Variants in TYR observed in about 807,000 individuals in gnomAD.
TYR encodes LB24-AB.
Under a neutral mutation model 51.5 loss-of-function variants are expected in TYR, and 58 were observed. The ratio of observed to expected loss-of-function variants is 1.13; its 90% CI spans 0.91 to 1.40. The LOEUF (loss-of-function observed/expected upper bound fraction) is 1.40. TYR is among the 40% of genes most tolerant of loss of function. The pLI is 0.00. For synonymous variants in TYR, 263 were observed against 235.2 expected (o/e 1.12, Z -1.08); for missense variants, 732 against 647.4 (o/e 1.13, Z -1.42).
At chr11:89,204,837 AAGAC>A (rs949794528) in intron 2 of TYR, among the ~76,000 whole-genome samples, 4 of 152,044 alleles carry the variant, frequency 2.6e-5, no homozygotes, top group Admixed American at 6.5e-5. Context: ...AAAAAAAAAA[AAGAC>A]AGCAGACGTT....
At chr11:89,275,204 G>T (rs1257247652) in intron 3 of TYR, among the ~76,000 whole-genome samples, 1 of 151,894 alleles carries the variant, frequency 6.6e-6, no homozygotes, top group Non-Finnish European at 1.5e-5. Context: ...GAGAGATTTT[G>T]TAATCAAATT....
intron 3 of TYR, among the ~76,000 whole-genome samples, chr11:89,255,223 G>A (rs1481355641): frequency 2.0e-5 from 3 of 151,440 alleles, no homozygotes; most frequent in African/African-American, 7.3e-5. Context: ...GATTTGTTTT[G>A]TGGCCCATCA....
intron 2 of TYR, among the ~76,000 whole-genome samples, chr11:89,218,053 C>T (rs2135274638): frequency 6.6e-6 from 1 of 152,292 alleles, no homozygotes; most frequent in South Asian, 2.1e-4. Flanking sequence ...AACACCAAAA[C>T]TATTTTTCAT....
rs138750983 is a variant in TYR at position 89,295,285 on chromosome 11, G to A, written c.1509G>A (p.Lys503=). 3.7e-6 allele frequency: 6 copies of A among 1,613,732 alleles called. No homozygotes were observed. The highest frequency in any genetic ancestry group is 1.7e-4 in the Middle Eastern group (1 of 6,056). ...AGLVSLLCRH[K]RKQLPEEKQP... ...TTGTGAGCTTGCTGTGTCGTCACAAGAGAAAGCAGCTTCCTGAAGAAAAGC... is the reference window on the plus strand; with the variant it reads ...TTGTGAGCTTGCTGTGTCGTCACAAAAGAAAGCAGCTTCCTGAAGAAAAGC... The change falls in exon 5 of 5, where the codon AAG becomes AAA. Residue 503 remains lysine, a synonymous_variant. Transcript: ENST00000263321.
At chr11:89,228,837 G>A (rs1193912940) in intron 3 of TYR, among the ~76,000 whole-genome samples, 1 of 152,100 alleles carries the variant, frequency 6.6e-6, no homozygotes, top group African/African-American at 2.4e-5. Flanking sequence ...AGAAAAGAAA[G>A]TATTCAGAGG....
At chr11:89,278,569 T>C (rs1944684889) in intron 3 of TYR, among the ~76,000 whole-genome samples, 1 of 151,708 alleles carries the variant, frequency 6.6e-6, no homozygotes, top group Non-Finnish European at 1.5e-5. Flanking sequence ...CCAACTATCT[T>C]AAGGCTTCCT....
At chr11:89,263,682 A>C (rs183867885) in intron 3 of TYR, among the ~76,000 whole-genome samples, 61 of 152,244 alleles carry the variant, frequency 4.0e-4, no homozygotes, top group African/African-American at 1.3e-3. Context: ...AATCAGTTGT[A>C]TTTCTAAACA....
intron 2 of TYR, among the ~76,000 whole-genome samples, chr11:89,194,388 T>A (rs940317192): frequency 1.3e-5 from 2 of 152,204 alleles, no homozygotes; most frequent in Non-Finnish European, 2.9e-5. Flanking sequence ...ATCATGACCA[T>A]CTGTCTCACG....
rs577667552 is a variant in TYR, at chr11:89,207,263, C to A, written c.1036+15845C>A. Among the ~76,000 whole-genome samples, 236 of 152,042 alleles carry A rather than the reference C, an allele frequency of 1.6e-3. 1 individual carries two copies. The highest frequency in any genetic ancestry group is 5.4e-3 in the African/African-American group (224 of 41,498). On this transcript the variant is annotated intron_variant, in intron 2 of 4. Coordinates refer to ENST00000263321, the MANE Select transcript of TYR (RefSeq NM_000372.5). ...GAAAAAGAGAAAAGACACAAATTACCAATATCAAGAATCAAAAAAGGGATA... is the reference window on the plus strand; with the variant it reads ...GAAAAAGAGAAAAGACACAAATTACAAATATCAAGAATCAAAAAAGGGATA...
At chr11:89,240,218 A>C (rs984166756) in intron 3 of TYR, among the ~76,000 whole-genome samples, 1 of 152,086 alleles carries the variant, frequency 6.6e-6, no homozygotes, top group African/African-American at 2.4e-5. Context: ...AAACATGTAC[A>C]TCCTGCACAT....
chr11:89,200,974 T>A (rs1413288372), intron 2 of TYR, among the ~76,000 whole-genome samples: 1 of 152,178 alleles, frequency 6.6e-6, no homozygotes, highest in Non-Finnish European at 1.5e-5. Context: ...TCTAGCATCA[T>A]GAATGAGTAT....
chr11:89,196,126 A>AT (rs1054960829), intron 2 of TYR, among the ~76,000 whole-genome samples: 2 of 152,152 alleles, frequency 1.3e-5, no homozygotes, highest in South Asian at 2.1e-4. Flanking sequence ...TAGTTAGAAC[A>AT]TTTTTTCAAC....
At chr11:89,203,931 G>A (rs943911661) in intron 2 of TYR, among the ~76,000 whole-genome samples, 6 of 152,190 alleles carry the variant, frequency 3.9e-5, no homozygotes, top group African/African-American at 1.4e-4. Context: ...TGACTGGGGA[G>A]ACTAGACTTC....
At chr11:89,287,507 A>C (rs1944804307) in intron 4 of TYR, among the ~76,000 whole-genome samples, 1 of 151,886 alleles carries the variant, frequency 6.6e-6, no homozygotes, top group Non-Finnish European at 1.5e-5. Flanking sequence ...CTCTATCTTC[A>C]CAAAGTTTAC....
At position 89,191,221 on chromosome 11, in the gene TYR, AG is replaced by A. The variant is rs281865526; in HGVS notation, c.841del (p.Glu281SerfsTer38). 1 of 1,613,478 alleles carries A rather than the reference AG, an allele frequency of 6.2e-7. No homozygotes were observed. On this transcript the variant is annotated frameshift_variant, in exon 2 of 5. Transcript: ENST00000263321. LOFTEE classifies it high-confidence loss of function. ...SSWQIVCSRL[E>X]EYNSHQSLCN... ...GTACAGATTGTCTGTAGCCGATTGG[AG>A]GAGTACAACAGCCATCAGTCTTTAT...
At chr11:89,228,325 T>G (rs1418214961) in intron 3 of TYR, among the ~76,000 whole-genome samples, 1 of 152,122 alleles carries the variant, frequency 6.6e-6, no homozygotes, top group Non-Finnish European at 1.5e-5. Flanking sequence ...TCTTTGTACT[T>G]CCATGCTAAA....
At chr11:89,187,129 C>G (rs1485344016) in intron 1 of TYR, among the ~76,000 whole-genome samples, 2 of 152,080 alleles carry the variant, frequency 1.3e-5, no homozygotes, top group Non-Finnish European at 2.9e-5. Context: ...TAGGGAGTCA[C>G]CTATTCACTA....
At chr11:89,195,246 G>A (rs1349748867) in intron 2 of TYR, among the ~76,000 whole-genome samples, 1 of 152,076 alleles carries the variant, frequency 6.6e-6, no homozygotes, top group African/African-American at 2.4e-5. Context: ...CACTTCCCAT[G>A]GAACAAAATA....
intron 3 of TYR, among the ~76,000 whole-genome samples, chr11:89,276,820 A>T (rs567843927): frequency 2.2e-4 from 33 of 151,932 alleles, no homozygotes; most frequent in African/African-American, 7.7e-4. Context: ...CTGTGTAAAC[A>T]CACAGAGAAC....
Sources: gnomAD v4.1 joint callset for allele counts (sites outside exome capture counted in the v4.1 genomes callset) on GRCh38, gnomAD v4.1.1 for gene constraint, MANE v1.5 for transcripts, NCBI Gene and HGNC (gene_info 2026-07-23, HGNC 2026-07-21) for gene names.